The following MICU1 variants were observed in gnomAD, a reference collection of about 807,000 sequenced individuals.
The protein encoded by MICU1 is mitochondrial calcium uptake 1.
A neutral mutation model predicts 56.8 loss-of-function variants in MICU1; 45 were observed. The ratio of observed to expected loss-of-function variants is 0.79; its 90% CI spans 0.62 to 1.02. MICU1 has a LOEUF of 1.02. Among genes scored for constraint, MICU1 ranks in the 50% least tolerant of loss-of-function variants. The pLI is 0.00. For missense variants in MICU1, 504 were observed against 587.1 expected, an observed-to-expected ratio of 0.86 and a Z score of 1.46; for synonymous variants, 186 against 195.1, an observed-to-expected ratio of 0.95 and a Z score of 0.39.
chr10:72,463,653 T>C (rs1319535573), intron 8 of MICU1, among the ~76,000 whole-genome samples: 2 of 152,232 alleles, frequency 1.3e-5, no homozygotes, highest in African/African-American at 4.8e-5. Flanking sequence ...GCATATATAA[T>C]GGCGTTCCCA....
Position 72,477,345 on chromosome 10 carries a change from G to A in MICU1, c.653-89C>T, listed in dbSNP as rs1866156044. 2.5e-6 allele frequency: 3 copies of A among 1,202,824 alleles called. No individual in the cohort carries two copies. The African/African-American group carries it at 4.6e-5, about 19-fold the overall frequency. 74.5% of individuals were successfully genotyped at this position (1,202,824 alleles called of 1,614,324 possible). A position where few individuals can be genotyped will look rare whatever the true frequency, so the allele number is the denominator to read the frequency against. Reference sequence around the variant, plus strand: ...AAAACAAAAGGCTAAACACTAAAATGTAATATCAAAGTCACCATAAAAGTG... The same window carrying A: ...AAAACAAAAGGCTAAACACTAAAATATAATATCAAAGTCACCATAAAAGTG... On this transcript the variant is annotated intron_variant, in intron 6 of 11. Coordinates refer to ENST00000361114, the MANE Select transcript of MICU1 (RefSeq NM_001195518.2).
At chr10:72,569,235 A>ATTTTTTTTTTTTTTTTT (rs1245936809) in intron 1 of MICU1, among the ~76,000 whole-genome samples, 4 of 42,570 alleles carry the variant, frequency 9.4e-5, no homozygotes, top group African/African-American at 3.8e-4. Context: ...ATATATATAT[A>ATTTTTTTTTTTTTTTTT]TATTTTTTTT....
chr10:72,491,218 T>C (rs762534865), intron 6 of MICU1, among the ~76,000 whole-genome samples: 10 of 152,330 alleles, frequency 6.6e-5, no homozygotes, highest in Non-Finnish European at 1.3e-4. Flanking sequence ...TAAGCCCCAA[T>C]AGATAATTTG....
chr10:72,495,513 G>C (rs1047674123), intron 6 of MICU1, among the ~76,000 whole-genome samples: 1 of 152,078 alleles, frequency 6.6e-6, no homozygotes, highest in Non-Finnish European at 1.5e-5. Flanking sequence ...AAAATTAGCT[G>C]AGCGTGGTGG....
chr10:72,591,872 C>A (rs1409941726), intron 1 of MICU1, among the ~76,000 whole-genome samples: 1 of 151,700 alleles, frequency 6.6e-6, no homozygotes, highest in African/African-American at 2.4e-5. Context: ...ATTAGCCAGG[C>A]GTGGTGTGTG....
At chr10:72,551,595 T>A (rs961222998) in intron 3 of MICU1, among the ~76,000 whole-genome samples, 1 of 152,202 alleles carries the variant, frequency 6.6e-6, no homozygotes, top group Non-Finnish European at 1.5e-5. Flanking sequence ...AACTTTTGTT[T>A]AAAACTTTTT....
intron 5 of MICU1, among the ~76,000 whole-genome samples, chr10:72,522,491 C>T (rs1867852638): frequency 6.6e-6 from 1 of 152,084 alleles, no homozygotes; most frequent in Non-Finnish European, 1.5e-5. Context: ...CTACACCCTC[C>T]TTTGGCACAC....
At chr10:72,509,440 A>C (rs1448736022) in intron 5 of MICU1, 1 of 1,315,498 alleles carries the variant, frequency 7.6e-7, no homozygotes, top group South Asian at 1.2e-5. Context: ...AAAGGAAAGA[A>C]AACTGGTTAA....
intron 5 of MICU1, 75 bp downstream of exon 5, chr10:72,533,671 A>T: frequency 8.8e-7 from 1 of 1,131,452 alleles, no homozygotes; most frequent in South Asian, 1.5e-5. Context: ...TTTCTCAAAC[A>T]TAACTATAGA....
chr10:72,499,999 T>A (rs558084534), intron 6 of MICU1, among the ~76,000 whole-genome samples: 2 of 152,098 alleles, frequency 1.3e-5, no homozygotes, highest in South Asian at 4.1e-4. Flanking sequence ...ATAATGAGGA[T>A]GTAGCTTAAT....
intron 1 of MICU1, among the ~76,000 whole-genome samples, chr10:72,621,126 T>A (rs1428294650): frequency 6.6e-6 from 1 of 152,200 alleles, no homozygotes; most frequent in African/African-American, 2.4e-5. Context: ...CTAGTGTTAA[T>A]TATAATTTTA....
chr10:72,587,242 G>A (rs1044053483), intron 1 of MICU1, among the ~76,000 whole-genome samples: 2 of 152,072 alleles, frequency 1.3e-5, no homozygotes, highest in African/African-American at 4.8e-5. Context: ...GGAGACTGAG[G>A]TAAGAGGATT....
intron 5 of MICU1, among the ~76,000 whole-genome samples, chr10:72,512,944 A>G (rs1269083039): frequency 6.6e-6 from 1 of 152,006 alleles, no homozygotes; most frequent in African/African-American, 2.4e-5. Context: ...GAGTTAAGCA[A>G]TCTGCGTGCC....
At chr10:72,390,015 A>G (rs1409886336) in intron 10 of MICU1, among the ~76,000 whole-genome samples, 2 of 152,192 alleles carry the variant, frequency 1.3e-5, no homozygotes, top group Non-Finnish European at 2.9e-5. Context: ...GATAGTGGAG[A>G]CACACAGTAT....
At position 72,509,633 on chromosome 10, in the gene MICU1, T is replaced by C. The variant is rs1228510245; in HGVS notation, c.538-1364A>G. On this transcript the variant is annotated intron_variant, in intron 5 of 11. Transcript: ENST00000361114. ...CAGTAGTAGGTTTTGATGGCGCTTCTACTTAGAAGAACTTTGCTGACTTCT... is the reference window on the plus strand; with the variant it reads ...CAGTAGTAGGTTTTGATGGCGCTTCCACTTAGAAGAACTTTGCTGACTTCT... Among the ~76,000 whole-genome samples the C allele has an allele frequency of 3.3e-5, 5 of 152,352 alleles. No homozygotes were observed. The East Asian group carries it at 9.6e-4, about 29-fold the overall frequency.
intron 1 of MICU1, among the ~76,000 whole-genome samples, chr10:72,573,317 A>C (rs909849506): frequency 3.4e-5 from 5 of 149,028 alleles, no homozygotes; most frequent in Middle Eastern, 3.5e-3. Context: ...CAAAAAAAAA[A>C]AAAAAAAAAA....
chr10:72,535,758 A>G (rs1839616861), intron 4 of MICU1, among the ~76,000 whole-genome samples: 1 of 152,208 alleles, frequency 6.6e-6, no homozygotes, highest in Non-Finnish European at 1.5e-5. Context: ...TGGTACATCA[A>G]CTAAGGCAGA....
rs143416937 is a variant in MICU1, at chr10:72,437,076, G to A, written c.934-13705C>T. On this transcript the variant is annotated intron_variant, in intron 8 of 11. Coordinates refer to ENST00000361114, the MANE Select transcript of MICU1 (RefSeq NM_001195518.2). ...ACAAAGATACTCCTCGAGAAGAGCA[G>A]CTCCAAGACTCATAATGGTCAGATT... is the stretch of plus-strand genomic sequence containing the variant. Among the ~76,000 whole-genome samples, 426 of 152,210 alleles carry A rather than the reference G, an allele frequency of 2.8e-3. 3 individuals carry two copies. The highest frequency in any genetic ancestry group is 9.7e-3 in the African/African-American group (402 of 41,544).
At chr10:72,461,563 G>A (rs1455763875) in intron 8 of MICU1, among the ~76,000 whole-genome samples, 1 of 152,094 alleles carries the variant, frequency 6.6e-6, no homozygotes, top group Non-Finnish European at 1.5e-5. Flanking sequence ...ACCTTTATAA[G>A]CTTCTTGAAA....
Sources: gnomAD v4.1 joint callset for allele counts (sites outside exome capture counted in the v4.1 genomes callset) on GRCh38, gnomAD v4.1.1 for gene constraint, MANE v1.5 for transcripts, NCBI Gene and HGNC (gene_info 2026-07-23, HGNC 2026-07-21) for gene names.